The following JAZF1 variants were observed in gnomAD, a reference collection of about 807,000 sequenced individuals.
JAZF1 encodes the protein JAZF zinc finger 1.
In JAZF1, 8 loss-of-function variants were observed where a neutral mutation model predicts 26.4. That is an observed-to-expected ratio of 0.30 (90% CI 0.18 to 0.55). JAZF1 has a LOEUF of 0.55. JAZF1 is among the 20% of genes least tolerant of loss of function. The pLI, the probability that JAZF1 is intolerant of heterozygous loss-of-function variation, is 0.94. For synonymous variants in JAZF1, 126 were observed against 122.3 expected, an observed-to-expected ratio of 1.03 and a Z score of -0.20; for missense variants, 199 against 322.0, an observed-to-expected ratio of 0.62 and a Z score of 2.92.
chr7:28,094,515 C>G (rs532868482), intron 1 of JAZF1, among the ~76,000 whole-genome samples: 1 of 152,202 alleles, frequency 6.6e-6, no homozygotes, highest in South Asian at 2.1e-4. Flanking sequence ...TCTGACACAT[C>G]AGCTAACTTT....
At chr7:27,939,117 G>A (rs1784804418) in intron 2 of JAZF1, among the ~76,000 whole-genome samples, 2 of 152,176 alleles carry the variant, frequency 1.3e-5, no homozygotes, top group African/African-American at 4.8e-5. Context: ...GTAGCAGCTG[G>A]CCATGAGGTC....
At chr7:27,911,437 T>C (rs1010787552) in intron 2 of JAZF1, among the ~76,000 whole-genome samples, 18 of 152,298 alleles carry the variant, frequency 1.2e-4, no homozygotes, top group African/African-American at 4.3e-4. Context: ...GCTAATATCA[T>C]GCCATAGGAA....
rs1040038541 is a variant in JAZF1 at position 27,831,302 on chromosome 7, T to C, written c.*1498A>G. The C allele has an allele frequency of 4.4e-6, 1 of 226,944 alleles. No individual in the cohort carries two copies. Among genetic ancestry groups the C allele is most frequent in the Non-Finnish European group, 8.8e-6 (1 of 113,838 alleles). The allele number at this position is 226,944 out of a possible 1,614,324, so 14.1% of individuals were successfully genotyped here. ...TGAGGAGGGACCCCTGCTTCCCAGT[T>C]ATATGTGATGTAAGACTTTTCATCA... On this transcript the variant is annotated 3_prime_UTR_variant, in exon 5 of 5. Transcript: ENST00000283928.
chr7:28,085,061 A>G (rs964832504), intron 1 of JAZF1, among the ~76,000 whole-genome samples: 6 of 152,202 alleles, frequency 3.9e-5, no homozygotes, highest in African/African-American at 1.2e-4. Context: ...CTCAGCCTCC[A>G]TAACTGGAAG....
chr7:28,000,626 T>TTTC (rs1583501789), intron 1 of JAZF1, among the ~76,000 whole-genome samples: 14 of 140,760 alleles, frequency 9.9e-5, no homozygotes, highest in East Asian at 7.3e-4. Flanking sequence ...TTCTTTCTTT[T>TTTC]TTTTTTTTTT....
intron 1 of JAZF1, among the ~76,000 whole-genome samples, chr7:28,108,302 C>T (rs1227795720): frequency 6.6e-6 from 1 of 152,188 alleles, no homozygotes; most frequent in African/African-American, 2.4e-5. Flanking sequence ...ACCCTTCCAG[C>T]AATGCCAAAT....
At chr7:28,161,350 C>T (rs1783284548) in intron 1 of JAZF1, among the ~76,000 whole-genome samples, 1 of 151,340 alleles carries the variant, frequency 6.6e-6, no homozygotes, top group South Asian at 2.1e-4. Context: ...CCTAGAGCCC[C>T]AAGAACACTC....
intron 2 of JAZF1, among the ~76,000 whole-genome samples, chr7:27,906,365 C>G (rs1327615698): frequency 6.6e-6 from 1 of 152,178 alleles, no homozygotes; most frequent in Non-Finnish European, 1.5e-5. Context: ...TTAAGAACCA[C>G]TTTTTTAAAC....
intron 1 of JAZF1, among the ~76,000 whole-genome samples, chr7:28,023,795 GC>G (rs1354207440): frequency 6.6e-6 from 1 of 152,198 alleles, no homozygotes; most frequent in African/African-American, 2.4e-5. Context: ...GACAATGACA[GC>G]CCAATGTAAT....
chr7:28,048,111 C>G (rs1042347809), intron 1 of JAZF1, among the ~76,000 whole-genome samples: 2 of 152,130 alleles, frequency 1.3e-5, no homozygotes, highest in African/African-American at 2.4e-5. Context: ...GATGGACAGA[C>G]AGAAGAAAGA....
intron 1 of JAZF1, among the ~76,000 whole-genome samples, chr7:28,014,487 C>T (rs115838626): frequency 0.047 from 7,080 of 152,254 alleles, 265 homozygotes; most frequent in African/African-American, 0.097. Context: ...GTTGTTGTGA[C>T]AGTGAATAAG....
intron 1 of JAZF1, among the ~76,000 whole-genome samples, chr7:28,139,437 T>C (rs1384682049): frequency 6.6e-6 from 1 of 152,180 alleles, no homozygotes; most frequent in African/African-American, 2.4e-5. Flanking sequence ...GGACCTCTAA[T>C]CCAGTGTGAT....
At chr7:28,080,366 A>C (rs1784115471) in intron 1 of JAZF1, among the ~76,000 whole-genome samples, 1 of 152,208 alleles carries the variant, frequency 6.6e-6, no homozygotes, top group South Asian at 2.1e-4. Context: ...TCTCCCTATC[A>C]GCAATAAAGC....
chr7:28,113,610 A>C lies in JAZF1; in HGVS notation c.115+66853T>G, dbSNP rs142729404. 9.9e-4 allele frequency among the ~76,000 whole-genome samples: 151 copies of C among 152,282 alleles called. 1 individual carries two copies. Among genetic ancestry groups the C allele is most frequent in the African/African-American group, 3.5e-3 (147 of 41,552 alleles). ...GGCACAGTGCTAGGCCCCTGCATTC[A>C]TTCACCTCTTGTAATGCCTATAACT... On this transcript the variant is annotated intron_variant, in intron 1 of 4. Transcript: ENST00000283928.
intron 2 of JAZF1, among the ~76,000 whole-genome samples, chr7:27,939,609 A>G (rs1048083692): frequency 3.3e-5 from 5 of 152,220 alleles, no homozygotes; most frequent in African/African-American, 1.2e-4. Context: ...TTGGATGGCA[A>G]CTTCAGCAAT....
intron 3 of JAZF1, among the ~76,000 whole-genome samples, chr7:27,877,642 G>A (rs1783701517): frequency 6.6e-6 from 1 of 152,184 alleles, no homozygotes; most frequent in Non-Finnish European, 1.5e-5. Context: ...GTCAGCCTGT[G>A]CTCCCGAGTC....
chr7:27,855,366 A>G (rs1321884792), intron 3 of JAZF1, among the ~76,000 whole-genome samples: 1 of 152,180 alleles, frequency 6.6e-6, no homozygotes, highest in African/African-American at 2.4e-5. Context: ...GACAAGAAAT[A>G]ACTAAGAGCA....
intron 3 of JAZF1, chr7:27,863,978 T>A (rs975684586): frequency 4.6e-5 from 7 of 152,166 alleles, no homozygotes; most frequent in Admixed American, 4.6e-4. Flanking sequence ...TCCCGCTAGG[T>A]CAACTGCCAG....
chr7:28,069,888 C>T (rs373769550), intron 1 of JAZF1, among the ~76,000 whole-genome samples: 6 of 152,268 alleles, frequency 3.9e-5, no homozygotes, highest in East Asian at 3.9e-4. Context: ...CCTGTCATCC[C>T]GGTCTGTCGG....
Sources: allele counts gnomAD v4.1 joint callset (sites outside exome capture counted in the v4.1 genomes callset), GRCh38; gene constraint gnomAD v4.1.1; transcripts MANE v1.5; gene names NCBI Gene and HGNC (gene_info 2026-07-23, HGNC 2026-07-21).